The following TTI1 variants were observed in gnomAD, a reference collection of about 807,000 sequenced individuals.
The protein encoded by TTI1 is TELO2-interacting protein 1 homolog.
A neutral mutation model predicts 85.4 loss-of-function variants in TTI1; 52 were observed. The observed-to-expected ratio is 0.61, with a 90% confidence interval of 0.49 to 0.77. TTI1 has a LOEUF of 0.77. TTI1 is among the 30% of genes least tolerant of loss of function. The pLI, the probability that TTI1 is intolerant of heterozygous loss-of-function variation, is 0.00. For missense variants in TTI1, 1,173 were observed against 1,296.0 expected (o/e 0.91, Z 1.46); for synonymous variants, 512 against 503.9 (o/e 1.02, Z -0.22).
intron 5 of TTI1, among the ~76,000 whole-genome samples, 153 bp downstream of exon 5, chr20:37,999,035 T>C (rs573929413): frequency 6.6e-5 from 10 of 152,368 alleles, no homozygotes; most frequent in African/African-American, 2.4e-4. Flanking sequence ...AGACTGTTAC[T>C]TTCTTCTTTG....
At chr20:38,015,672 A>G (rs868576111) in intron 1 of TTI1, among the ~76,000 whole-genome samples, 1 of 152,232 alleles carries the variant, frequency 6.6e-6, no homozygotes, top group East Asian at 1.9e-4. Context: ...ACCAAGTTCA[A>G]TTATGACACC....
chr20:38,004,159 T>A (rs2073464637), intron 3 of TTI1, among the ~76,000 whole-genome samples: 1 of 152,208 alleles, frequency 6.6e-6, no homozygotes, highest in Admixed American at 6.5e-5. Context: ...TCATTATCAT[T>A]CTCACTGTCT....
chr20:37,985,575 T>G (rs547238364), intron 7 of TTI1, among the ~76,000 whole-genome samples: 6 of 151,806 alleles, frequency 4.0e-5, no homozygotes, highest in Admixed American at 3.3e-4. Context: ...TTGCCCAGGC[T>G]GGAGTGCAAT....
In TTI1 at chr20:37,983,542, G is replaced by C. The variant is rs1038974933; in HGVS notation, c.3184C>G (p.Leu1062Val). The change falls in exon 8 of 8, where the codon CTC becomes GTC. Residue 1062 changes from leucine (L) to valine (V), a missense_variant. Transcript: ENST00000373447. Reference sequence around the variant, plus strand: ...GCCCCGTGCAGCTGCACAGGGTGGAGGCTGGGGTGGGGAGGTGTGAACTGC... The same window carrying C: ...GCCCCGTGCAGCTGCACAGGGTGGACGCTGGGGTGGGGAGGTGTGAACTGC... ...PVQFTPPHPS[L>V]HPVQLHGASG... 1.2e-6 allele frequency: 2 copies of C among 1,611,464 alleles called. No homozygotes were observed. Among genetic ancestry groups the C allele is most frequent in the Non-Finnish European group, 1.7e-6 (2 of 1,179,182 alleles).
At chr20:38,033,267 G>A (rs2073945215) in intron 1 of TTI1, 137 bp downstream of exon 1, 1 of 152,338 alleles carries the variant, frequency 6.6e-6, no homozygotes, top group African/African-American at 2.4e-5. Context: ...GATGCGGCCT[G>A]GGGCCCGCCA....
intron 7 of TTI1, among the ~76,000 whole-genome samples, chr20:37,984,393 C>T (rs1463682150): frequency 6.6e-6 from 1 of 152,254 alleles, no homozygotes; most frequent in Admixed American, 6.5e-5. Context: ...GGACACCCCA[C>T]AGCCACCGAG....
intron 1 of TTI1, among the ~76,000 whole-genome samples, chr20:38,020,323 A>AAAATATATATATATATATATATATATAT: frequency 4.0e-5 from 2 of 50,382 alleles, no homozygotes; most frequent in African/African-American, 8.9e-5. Context: ...AAAAAAAAAA[A>AAAATATATATATATATATATATATATAT]ATATATATAT....
At chr20:38,024,071 C>T (rs867934628) in intron 1 of TTI1, among the ~76,000 whole-genome samples, 1 of 152,126 alleles carries the variant, frequency 6.6e-6, no homozygotes. Context: ...GTTCCCTCCA[C>T]TAGACAGGAC....
rs572412124 is a variant in TTI1, at chr20:37,999,394, AT to A, written c.2653-67del. On this transcript the variant is annotated intron_variant, in intron 4 of 7. Coordinates refer to ENST00000373447, the MANE Select transcript of TTI1 (RefSeq NM_001303457.2). ...AACAGATACCTGGGATCAAGTCACC[AT>A]TTTCAAAGAATAACATTTAGAAACG... is the stretch of plus-strand genomic sequence containing the variant. The A allele has an allele frequency of 4.2e-3, 5,619 of 1,327,472 alleles. 14 individuals carry two copies. Among genetic ancestry groups the A allele is most frequent in the Non-Finnish European group, 5.1e-3 (5,253 of 1,025,142 alleles). 82.2% of individuals were successfully genotyped at this position (1,327,472 alleles called of 1,614,324 possible).
chr20:38,027,009 A>AACATCATATACTC (rs2073844734), intron 1 of TTI1, among the ~76,000 whole-genome samples: 1 of 152,258 alleles, frequency 6.6e-6, no homozygotes, highest in African/African-American at 2.4e-5. Context: ...GCTACATACA[A>AACATCATATACTC]AGAGATATAC....
intron 3 of TTI1, among the ~76,000 whole-genome samples, chr20:38,004,334 T>C (rs986275856): frequency 6.6e-6 from 1 of 152,190 alleles, no homozygotes; most frequent in Non-Finnish European, 1.5e-5. Flanking sequence ...GCTGTGCTCA[T>C]TTCCACTGAG....
At chr20:37,987,606 C>A (rs532240498) in intron 7 of TTI1, among the ~76,000 whole-genome samples, 1 of 152,154 alleles carries the variant, frequency 6.6e-6, no homozygotes, top group African/African-American at 2.4e-5. Flanking sequence ...CACATGCCTC[C>A]GAGTGTCCTG....
intron 1 of TTI1, chr20:38,018,950 A>G (rs994533295): frequency 3.9e-5 from 6 of 152,024 alleles, no homozygotes; most frequent in African/African-American, 1.5e-4. Context: ...AGGAGTTTGA[A>G]ACCAACCTAA....
chr20:37,987,317 A>G (rs1297131557), intron 7 of TTI1: 1 of 456,762 alleles, frequency 2.2e-6, no homozygotes, highest in Admixed American at 2.3e-5. Flanking sequence ...CAGAAGACAA[A>G]GACAGGACCT....
At position 38,011,756 on chromosome 20, in the gene TTI1, C is replaced by A; in HGVS notation, c.2061G>T (p.Leu687=). Residue 687 remains leucine, a synonymous_variant, in exon 2 of 8, where the codon CTG becomes CTT. Coordinates refer to ENST00000373447, the MANE Select transcript of TTI1 (RefSeq NM_001303457.2). ...CTGAATTTTGATTGATCAGGTGCTG[C>A]AGGGAGTCGTAGCCACAAGCACGGC... ...DVCRACGYDS[L]QHLINQNSDY... The A allele has an allele frequency of 6.2e-7, 1 of 1,614,168 alleles. No homozygotes were observed. Among genetic ancestry groups the A allele is most frequent in the Non-Finnish European group, 8.5e-7 (1 of 1,180,030 alleles).
intron 1 of TTI1, among the ~76,000 whole-genome samples, chr20:38,017,635 G>T (rs561428913): frequency 6.6e-6 from 1 of 152,300 alleles, no homozygotes; most frequent in South Asian, 2.1e-4. Flanking sequence ...TGCTGCTGAA[G>T]ACAACCCAGT....
intron 1 of TTI1, among the ~76,000 whole-genome samples, chr20:38,021,382 A>T (rs1275760614): frequency 6.6e-6 from 1 of 152,216 alleles, no homozygotes; most frequent in Non-Finnish European, 1.5e-5. Context: ...AGAGATTTAG[A>T]GCCTTAGGAA....
chr20:38,026,320 C>G (rs775753011), intron 1 of TTI1, among the ~76,000 whole-genome samples: 2 of 152,084 alleles, frequency 1.3e-5, no homozygotes, highest in Non-Finnish European at 2.9e-5. Flanking sequence ...CCAGCACTCC[C>G]GGCTAATTTT....
chr20:37,991,587 C>G (rs190373766), intron 7 of TTI1, among the ~76,000 whole-genome samples: 3 of 152,266 alleles, frequency 2.0e-5, no homozygotes, highest in Admixed American at 2.0e-4. Context: ...AGTGGTGGCA[C>G]AATTAACATG....
Sources: gnomAD v4.1 joint callset for allele counts (sites outside exome capture counted in the v4.1 genomes callset) on GRCh38, gnomAD v4.1.1 for gene constraint, MANE v1.5 for transcripts, NCBI Gene and HGNC (gene_info 2026-07-23, HGNC 2026-07-21) for gene names.